The following CADM2 variants were observed in gnomAD, a reference collection of about 807,000 sequenced individuals.
CADM2 encodes cell adhesion molecule 2, also known as immunoglobulin superfamily member 4D.
Under a neutral mutation model 49.8 loss-of-function variants are expected in CADM2, and 12 were observed. The ratio of observed to expected loss-of-function variants is 0.24; its 90% CI spans 0.15 to 0.39. The LOEUF is 0.39. CADM2 is among the 10% of genes least tolerant of loss of function. The pLI is 1.00. For missense variants in CADM2, 378 were observed against 492.3 expected (o/e 0.77, Z 2.20); for synonymous variants, 214 against 175.4 (o/e 1.22, Z -1.74).
At chr3:85,407,178 G>A (rs562067378) in intron 1 of CADM2, among the ~76,000 whole-genome samples, 1 of 152,230 alleles carries the variant, frequency 6.6e-6, no homozygotes, top group South Asian at 2.1e-4. Flanking sequence ...CTCCAGCCTT[G>A]GTGACAGAGA....
intron 6 of CADM2, among the ~76,000 whole-genome samples, chr3:85,919,338 C>A (rs1168211114): frequency 6.6e-6 from 1 of 151,716 alleles, no homozygotes; most frequent in African/African-American, 2.4e-5. Flanking sequence ...GGAGACCCTG[C>A]ATGTACACCC....
At chr3:85,923,117 C>A (rs989764764) in intron 6 of CADM2, among the ~76,000 whole-genome samples, 1 of 152,180 alleles carries the variant, frequency 6.6e-6, no homozygotes, top group East Asian at 1.9e-4. Context: ...GCCACCGCGC[C>A]CGGCCGAAAC....
chr3:85,886,379 C>A (rs2108402091), intron 5 of CADM2, 52 bp downstream of exon 5: 1 of 1,385,142 alleles, frequency 7.2e-7, no homozygotes, highest in Non-Finnish European at 1.0e-6. Context: ...ACCAGTATGA[C>A]ATGTTAAGAA....
In CADM2 at chr3:86,073,290, G is replaced by T. The variant is rs1010014048; in HGVS notation, c.*6507G>T. The T allele has an allele frequency of 2.7e-4, 41 of 151,920 alleles. No individual in the cohort carries two copies. The highest frequency in any genetic ancestry group is 9.4e-4 in the African/African-American group (39 of 41,408). The allele number at this position is 151,920 out of a possible 1,614,324, so 9.4% of individuals were successfully genotyped here. On this transcript the variant is annotated 3_prime_UTR_variant, in exon 10 of 10. Coordinates refer to ENST00000383699, the MANE Select transcript of CADM2 (RefSeq NM_001167675.2). Reference sequence around the variant, plus strand: ...ATATGACATGAAATTCATAACTTTTGGAAGGGTATATTTATGACAGCATAA... The same window carrying T: ...ATATGACATGAAATTCATAACTTTTTGAAGGGTATATTTATGACAGCATAA...
At chr3:85,788,231 A>G (rs538816488) in intron 2 of CADM2, among the ~76,000 whole-genome samples, 1 of 152,282 alleles carries the variant, frequency 6.6e-6, no homozygotes, top group East Asian at 1.9e-4. Context: ...AGTAAAATCC[A>G]CTAAAAATGT....
intron 8 of CADM2, among the ~76,000 whole-genome samples, chr3:85,966,564 ATTTCGT>A (rs1193638899): frequency 6.6e-6 from 1 of 151,596 alleles, no homozygotes; most frequent in African/African-American, 2.4e-5. Context: ...CTTTCCACAG[ATTTCGT>A]TTTCTTTACA....
At chr3:85,677,096 C>A (rs2065907007) in intron 1 of CADM2, among the ~76,000 whole-genome samples, 1 of 152,152 alleles carries the variant, frequency 6.6e-6, no homozygotes, top group Non-Finnish European at 1.5e-5. Flanking sequence ...TTCTCAGCTT[C>A]ATGACACTGT....
intron 1 of CADM2, among the ~76,000 whole-genome samples, chr3:85,492,140 A>G (rs1418774419): frequency 6.6e-6 from 1 of 152,186 alleles, no homozygotes; most frequent in Non-Finnish European, 1.5e-5. Context: ...CTGAGAAAAG[A>G]CTATGTGCTC....
rs772655086 is a variant in CADM2, at chr3:86,074,046, C to A, written c.*7263C>A. 1 of 151,960 alleles carries A rather than the reference C, an allele frequency of 6.6e-6. No homozygotes were observed. The highest frequency in any genetic ancestry group is 2.4e-5 in the African/African-American group (1 of 41,422). 9.4% of individuals were successfully genotyped at this position (151,960 alleles called of 1,614,324 possible). ...TTGAGAATGCCAAAATTTTAAAACT[C>A]TGTAAAGGTAATTTTACATTCACTT... On this transcript the variant is annotated 3_prime_UTR_variant, in exon 10 of 10. Coordinates refer to ENST00000383699, the MANE Select transcript of CADM2 (RefSeq NM_001167675.2).
intron 1 of CADM2, among the ~76,000 whole-genome samples, chr3:85,512,843 A>C (rs1376582927): frequency 6.6e-6 from 1 of 152,062 alleles, no homozygotes; most frequent in Non-Finnish European, 1.5e-5. Context: ...TATAAGGAAT[A>C]AACTTCTCTG....
rs550355545 is a variant in CADM2, at chr3:85,564,524, G to A, written c.62-161998G>A. Among the ~76,000 whole-genome samples, 232 of 151,984 alleles carry A rather than the reference G, an allele frequency of 1.5e-3. 1 individual carries two copies. Among genetic ancestry groups the A allele is most frequent in the African/African-American group, 5.1e-3 (212 of 41,492 alleles). Reference sequence around the variant, plus strand: ...TAGGATCTATTGCCTGATTTTAAAGGCTAATAAAATCTCTCTTTTACACTT... The same window carrying A: ...TAGGATCTATTGCCTGATTTTAAAGACTAATAAAATCTCTCTTTTACACTT... On this transcript the variant is annotated intron_variant, in intron 1 of 9. Transcript: ENST00000383699.
intron 1 of CADM2, among the ~76,000 whole-genome samples, chr3:85,487,140 T>G (rs1320566312): frequency 6.6e-6 from 1 of 152,314 alleles, no homozygotes; most frequent in East Asian, 1.9e-4. Context: ...TAGCCAATAA[T>G]ATCACAAAGC....
chr3:86,016,294 C>T (rs1388184295), intron 8 of CADM2, among the ~76,000 whole-genome samples: 2 of 151,978 alleles, frequency 1.3e-5, no homozygotes, highest in Non-Finnish European at 2.9e-5. Flanking sequence ...CTACCTATAT[C>T]TTTTTATATT....
intron 1 of CADM2, among the ~76,000 whole-genome samples, chr3:85,339,821 A>T (rs1170978509): frequency 6.6e-6 from 1 of 151,464 alleles, no homozygotes; most frequent in African/African-American, 2.4e-5. Flanking sequence ...AAGCTGTATA[A>T]CCAGTGATTC....
chr3:85,381,518 T>G (rs915188045), intron 1 of CADM2, among the ~76,000 whole-genome samples: 9 of 147,978 alleles, frequency 6.1e-5, no homozygotes, highest in Non-Finnish European at 1.3e-4. Context: ...ATAAAGTATA[T>G]ATATATAAAG....
chr3:86,053,508 G>A (rs1737570726), intron 8 of CADM2, among the ~76,000 whole-genome samples: 1 of 152,114 alleles, frequency 6.6e-6, no homozygotes, highest in South Asian at 2.1e-4. Flanking sequence ...ACAGCACAGA[G>A]AACAAAGAAT....
chr3:85,249,931 T>C (rs1044662046), intron 1 of CADM2, among the ~76,000 whole-genome samples: 5 of 151,834 alleles, frequency 3.3e-5, no homozygotes, highest in Non-Finnish European at 7.4e-5. Context: ...AAGATAATTG[T>C]TAAATTTCTA....
intron 1 of CADM2, among the ~76,000 whole-genome samples, chr3:85,412,700 A>G (rs2035712594): frequency 6.6e-6 from 1 of 152,184 alleles, no homozygotes. Flanking sequence ...AATAAAACAA[A>G]AAGAATAATG....
Position 84,990,720 on chromosome 3 carries a change from T to C in CADM2, c.61+31052T>C, listed in dbSNP as rs532610955. Reference sequence around the variant, plus strand: ...TACAGGAATCAAAGTGATTGATAACTGGGCATAGTCTAACATTCCTTAAAT... The same window carrying C: ...TACAGGAATCAAAGTGATTGATAACCGGGCATAGTCTAACATTCCTTAAAT... On this transcript the variant is annotated intron_variant, in intron 1 of 9. Coordinates refer to ENST00000383699, the MANE Select transcript of CADM2 (RefSeq NM_001167675.2). Among the ~76,000 whole-genome samples the C allele has an allele frequency of 3.5e-4, 53 of 152,246 alleles. No individual in the cohort carries two copies. The Middle Eastern group carries it at 0.01, about 29-fold the overall frequency.
Sources: gnomAD v4.1 joint callset for allele counts (sites outside exome capture counted in the v4.1 genomes callset) on GRCh38, gnomAD v4.1.1 for gene constraint, MANE v1.5 for transcripts, NCBI Gene and HGNC (gene_info 2026-07-23, HGNC 2026-07-21) for gene names.